RBM44: variants seen among roughly 807,000 people sequenced by gnomAD.
RBM44 encodes the protein RNA-binding protein 44.
Under a neutral mutation model 105.1 loss-of-function variants are expected in RBM44, and 66 were observed. The ratio of observed to expected loss-of-function variants is 0.63; its 90% CI spans 0.52 to 0.77. RBM44 has a LOEUF of 0.77. Among genes scored for constraint, RBM44 ranks in the 30% least tolerant of loss-of-function variants. RBM44 has a pLI of 0.00. For synonymous variants in RBM44, 365 were observed against 417.6 expected (o/e 0.87, Z 1.54); for missense variants, 1,122 against 1,207.8 (o/e 0.93, Z 1.05).
chr2:237,836,563 C>T (rs1296749452), intron 15 of RBM44, among the ~76,000 whole-genome samples: 1 of 152,090 alleles, frequency 6.6e-6, no homozygotes, highest in African/African-American at 2.4e-5. Context: ...GGGTGGATCA[C>T]AAGGTCAAGA....
At chr2:237,826,576 G>A (rs537560131) in intron 10 of RBM44, among the ~76,000 whole-genome samples, 9 of 152,122 alleles carry the variant, frequency 5.9e-5, no homozygotes, top group Middle Eastern at 3.4e-3. Flanking sequence ...CCCCAGCAAC[G>A]GAATGTGCAT....
At chr2:237,828,238 T>G (rs1196448454) in intron 12 of RBM44, among the ~76,000 whole-genome samples, 2 of 152,146 alleles carry the variant, frequency 1.3e-5, no homozygotes, top group African/African-American at 2.4e-5. Context: ...TTATTAAAAG[T>G]GATAGCTGTT....
chr2:237,834,029 T>C lies in RBM44; in HGVS notation c.2919T>C (p.Ser973=). Residue 973 remains serine, a synonymous_variant, in exon 14 of 16, where the codon TCT becomes TCC. Transcript: ENST00000316997. ...AGAAGAATTGTAAGCAGATTGAATC[T>C]GCTAAATTATTACCTGATACACCCG... ...GVKKNCKQIE[S]AKLLPDTPVQ... 6.4e-7 allele frequency: 1 copy of C among 1,562,542 alleles called. No individual in the cohort carries two copies. The highest frequency in any genetic ancestry group is 1.2e-5 in the South Asian group (1 of 83,452).
At chr2:237,831,225 C>T (rs1049338733) in intron 13 of RBM44, among the ~76,000 whole-genome samples, 3 of 122,750 alleles carry the variant, frequency 2.4e-5, no homozygotes, top group Non-Finnish European at 3.3e-5. Flanking sequence ...CTTTACCATC[C>T]TTATTTGTCC....
chr2:237,818,106 A>C lies in RBM44; in HGVS notation c.1187A>C (p.Tyr396Ser), dbSNP rs552907752. ...DDSIISACGY[Y>S]ESLQNTADSA... is the part of the protein sequence containing the mutation. ...TCGATAATTTCTGCCTGTGGATATT[A>C]TGAAAGCCTACAAAACACTGCTGAC... is the stretch of plus-strand genomic sequence containing the variant. Residue 396 changes from tyrosine to serine, a missense_variant, in exon 3 of 16, where the codon TAT becomes TCT. Around this residue, in one of 3 missense-constraint regions of RBM44, gnomAD observed 918 missense variants for 955.3 expected, o/e 0.96. Coordinates refer to ENST00000316997, the MANE Select transcript of RBM44 (RefSeq NM_001080504.3). This position sits in a 1 kb window ranked among gnomAD's most constrained non-coding sequence, Gnocchi z 4.6. 6.2e-7 allele frequency: 1 copy of C among 1,612,990 alleles called. No individual in the cohort carries two copies. Among genetic ancestry groups the C allele is most frequent in the East Asian group, 2.2e-5 (1 of 44,862 alleles).
chr2:237,840,187 CAAAAAAAAAAAA>C (rs34666443), intron 15 of RBM44, among the ~76,000 whole-genome samples: 8 of 64,912 alleles, frequency 1.2e-4, no homozygotes, highest in African/African-American at 5.0e-4. Flanking sequence ...GACTCTATCT[CAAAAAAAAAAAA>C]AAAAAAAAAA....
rs143781677 is a variant in RBM44, at chr2:237,810,152, T to C, written c.-18-3440T>C. Among the ~76,000 whole-genome samples the C allele has an allele frequency of 4.1e-3, 617 of 152,344 alleles. 3 individuals carry two copies. The highest frequency in any genetic ancestry group is 0.014 in the African/African-American group (589 of 41,570). Reference sequence around the variant, plus strand: ...TTTTTCATACTAAGTCTCTGAAATCTGGTATGTGTTTTACACCTACAGAAC... The same window carrying C: ...TTTTTCATACTAAGTCTCTGAAATCCGGTATGTGTTTTACACCTACAGAAC... On this transcript the variant is annotated intron_variant, in intron 1 of 15. Transcript: ENST00000316997.
chr2:237,814,280 G>A (rs1383112373), intron 2 of RBM44, among the ~76,000 whole-genome samples: 1 of 152,152 alleles, frequency 6.6e-6, no homozygotes, highest in Non-Finnish European at 1.5e-5. Context: ...GGTGATAGTA[G>A]TAAAGAGCAT....
chr2:237,814,271 G>T (rs776335843), intron 2 of RBM44, among the ~76,000 whole-genome samples: 9 of 152,134 alleles, frequency 5.9e-5, no homozygotes, highest in East Asian at 1.9e-4. Context: ...AAAATTTGGG[G>T]TGATAGTAGT....
At chr2:237,823,037 G>A (rs1314908526) in intron 8 of RBM44, among the ~76,000 whole-genome samples, 2 of 151,402 alleles carry the variant, frequency 1.3e-5, no homozygotes, top group Admixed American at 1.3e-4. Context: ...ATTGCTTCTC[G>A]TAAATAAAAT....
intron 13 of RBM44, among the ~76,000 whole-genome samples, chr2:237,832,349 G>A (rs1030570978): frequency 4.6e-5 from 7 of 151,912 alleles, no homozygotes; most frequent in Admixed American, 1.3e-4. Context: ...AGACCAGGTC[G>A]TGCTATGTTG....
At chr2:237,837,111 GA>G (rs1182632713) in intron 15 of RBM44, among the ~76,000 whole-genome samples, 23 of 152,170 alleles carry the variant, frequency 1.5e-4, no homozygotes, top group African/African-American at 5.5e-4. Flanking sequence ...GCTCACCATT[GA>G]GACCTACTAC....
At chr2:237,802,639 T>G (rs1019980550) in intron 1 of RBM44, among the ~76,000 whole-genome samples, 2 of 152,168 alleles carry the variant, frequency 1.3e-5, no homozygotes, top group African/African-American at 2.4e-5. Flanking sequence ...TATAGAAGAT[T>G]TATGTGCATC....
rs913551408 is a variant in RBM44 at position 237,803,528 on chromosome 2, G to C, written c.-19+4667G>C. Among the ~76,000 whole-genome samples, 1 of 152,120 alleles carries C rather than the reference G, an allele frequency of 6.6e-6. No homozygotes were observed. The highest frequency in any genetic ancestry group is 2.4e-5 in the African/African-American group (1 of 41,402). On this transcript the variant is annotated intron_variant, in intron 1 of 15. Transcript: ENST00000316997. The surrounding 1 kb of genome is among the most constrained non-coding windows in gnomAD (Gnocchi z 4.2). Reference sequence around the variant, plus strand: ...AGTTATTTATGTAATCTGAATAAGCGTCTCCTTTTGGATATATGGATTGTG... The same window carrying C: ...AGTTATTTATGTAATCTGAATAAGCCTCTCCTTTTGGATATATGGATTGTG...
intron 2 of RBM44, among the ~76,000 whole-genome samples, chr2:237,815,734 C>A (rs895946829): frequency 7.2e-5 from 11 of 151,814 alleles, no homozygotes; most frequent in Admixed American, 4.6e-4. Flanking sequence ...AAAAAAAAAT[C>A]TTTTGAAAAC....
intron 1 of RBM44, among the ~76,000 whole-genome samples, chr2:237,806,936 T>C (rs2061604698): frequency 6.6e-6 from 1 of 152,180 alleles, no homozygotes; most frequent in African/African-American, 2.4e-5. Context: ...TTTTAATATT[T>C]CTCAATTTTA....
intron 1 of RBM44, among the ~76,000 whole-genome samples, chr2:237,805,943 T>G (rs2061595089): frequency 6.6e-6 from 1 of 151,974 alleles, no homozygotes; most frequent in South Asian, 2.1e-4. Context: ...TGGCACCACT[T>G]TACTCCAGCC....
rs779152375 is a variant in RBM44, at chr2:237,817,516, C to T, written c.597C>T (p.Asn199=). The change falls in exon 3 of 16, where the codon AAC becomes AAT. Residue 199 remains asparagine (N), a synonymous_variant. Transcript: ENST00000316997. ...CAGAAGAACAAGAATACATAAGTAA[C>T]CATTTATCTTTTGACCAAACAAAAG... The part of the protein sequence containing the change: ...HSAEEQEYIS[N]HLSFDQTKAL... 4 of 1,608,424 alleles carry T rather than the reference C, an allele frequency of 2.5e-6. No homozygotes were observed. Among genetic ancestry groups the T allele is most frequent in the Non-Finnish European group, 2.5e-6 (3 of 1,176,986 alleles).
intron 13 of RBM44, among the ~76,000 whole-genome samples, chr2:237,831,249 G>C (rs1485251189): frequency 7.3e-6 from 1 of 137,244 alleles, no homozygotes; most frequent in East Asian, 2.4e-4. Context: ...TTTTTGGGGG[G>C]GGGGGGGTTT....
Sources: gnomAD v4.1 joint callset for allele counts (sites outside exome capture counted in the v4.1 genomes callset) on GRCh38, gnomAD v4.1.1 for gene constraint, gnomAD v4.1.1 regional missense constraint, Gnocchi (gnomAD v3.1) non-coding constraint, MANE v1.5 for transcripts, NCBI Gene and HGNC (gene_info 2026-07-23, HGNC 2026-07-21) for gene names.